Variants in LARP1B observed in about 807,000 individuals in gnomAD.
LARP1B encodes the protein La ribonucleoprotein 1B.
LARP1B carries 76 observed loss-of-function variants against 114.2 expected under a neutral mutation model. The observed-to-expected ratio is 0.67, with a 90% CI of 0.55 to 0.81. The LOEUF (loss-of-function observed/expected upper bound fraction) is 0.81. Among genes scored for constraint, LARP1B ranks in the 30% least tolerant of loss-of-function variants. The pLI, the probability that LARP1B is intolerant of heterozygous loss-of-function variation, is 0.00. For synonymous variants in LARP1B, 345 were observed against 348.0 expected (o/e 0.99, Z 0.10); for missense variants, 1,014 against 1,075.8 (o/e 0.94, Z 0.80).
Position 128,179,431 on chromosome 4 carries a change from A to G in LARP1B, c.1922A>G (p.His641Arg), listed in dbSNP as rs1747576912. 1 of 1,610,202 alleles carries G rather than the reference A, an allele frequency of 6.2e-7. No homozygotes were observed. Among genetic ancestry groups the G allele is most frequent in the Non-Finnish European group, 8.5e-7 (1 of 1,178,598 alleles). ...AGTCCAAGAAAGAGAAAAACAAGGCATAGCACAAATCCCCCTCTAGAGTGT... is the reference window on the plus strand; with the variant it reads ...AGTCCAAGAAAGAGAAAAACAAGGCGTAGCACAAATCCCCCTCTAGAGTGT... ...VKSPRKRKTR[H>R]STNPPLECHV... Residue 641 changes from histidine (H) to arginine (R), a missense_variant, in exon 15 of 20, where the codon CAT becomes CGT. Physicochemically the swap from His to Arg is conservative, Grantham distance 29. Transcript: ENST00000326639.
chr4:128,194,547 G>T (rs1753406619), intron 15 of LARP1B, among the ~76,000 whole-genome samples: 1 of 151,796 alleles, frequency 6.6e-6, no homozygotes, highest in Admixed American at 6.6e-5. Context: ...GCCGGGCATG[G>T]TGGCGGGCGC....
intron 1 of LARP1B, among the ~76,000 whole-genome samples, chr4:128,071,025 A>T (rs1173607298): frequency 2.6e-5 from 4 of 151,818 alleles, no homozygotes; most frequent in African/African-American, 7.3e-5. Context: ...CTTTTTATTT[A>T]TTTATTTTTT....
At chr4:128,097,369 G>A (rs566297688) in intron 7 of LARP1B, among the ~76,000 whole-genome samples, 18 of 151,526 alleles carry the variant, frequency 1.2e-4, no homozygotes, top group Non-Finnish European at 2.5e-4. Flanking sequence ...GTGCAATGAC[G>A]CGATCTTGGC....
At chr4:128,213,913 T>C (rs2150979758), downstream of LARP1B, among the ~76,000 whole-genome samples, 2 of 151,528 alleles carry the variant, frequency 1.3e-5, no homozygotes, top group African/African-American at 4.8e-5. Flanking sequence ...CACTAGGGAG[T>C]GCCAGACAGT....
At position 128,210,596 on chromosome 4, in the gene LARP1B, C is replaced by T. The variant is rs867349854; in HGVS notation, c.*543C>T. On this transcript the variant is annotated 3_prime_UTR_variant, in exon 20 of 20. Transcript: ENST00000326639. The stretch of plus-strand genomic sequence containing the variant: ...GAATATGAAATTATACCTTTAGTAT[C>T]CCTTTGAGACATATAGTTTAAAGAA... The T allele has an allele frequency of 1.1e-6, 1 of 915,322 alleles. No individual in the cohort carries two copies. The highest frequency in any genetic ancestry group is 6.1e-5 in the Admixed American group (1 of 16,340). 56.7% of individuals were successfully genotyped at this position (915,322 alleles called of 1,614,324 possible).
chr4:128,127,440 T>G (rs1421145073), intron 11 of LARP1B, among the ~76,000 whole-genome samples: 1 of 152,348 alleles, frequency 6.6e-6, no homozygotes, highest in Admixed American at 6.5e-5. Context: ...TATTAAAGTT[T>G]GCAAATTGCA....
At chr4:128,158,507 TA>T (rs1472706944) in intron 11 of LARP1B, among the ~76,000 whole-genome samples, 2 of 152,140 alleles carry the variant, frequency 1.3e-5, no homozygotes, top group African/African-American at 4.8e-5. Context: ...AAAGGCAAGT[TA>T]AAAAAGTGTC....
intron 8 of LARP1B, among the ~76,000 whole-genome samples, chr4:128,106,581 A>G (rs1782168434): frequency 6.6e-6 from 1 of 151,772 alleles, no homozygotes; most frequent in Admixed American, 6.6e-5. Flanking sequence ...CTAATGGCTA[A>G]GACTTTTAGT....
chr4:128,112,031 GAAAA>G (rs201940366), intron 9 of LARP1B, among the ~76,000 whole-genome samples: 3 of 145,456 alleles, frequency 2.1e-5, no homozygotes, highest in Non-Finnish European at 3.0e-5. Flanking sequence ...TCATTAAAAA[GAAAA>G]AAAAAAGTGT....
chr4:128,065,257 C>CTT (rs1375633016), intron 1 of LARP1B, among the ~76,000 whole-genome samples: 32 of 89,126 alleles, frequency 3.6e-4, no homozygotes, highest in African/African-American at 7.3e-4. Flanking sequence ...CAATTAATTT[C>CTT]TTTCTTTCTT....
At chr4:128,156,855 C>T (rs1175942901) in intron 11 of LARP1B, among the ~76,000 whole-genome samples, 1 of 96,870 alleles carries the variant, frequency 1.0e-5, no homozygotes, top group Non-Finnish European at 2.0e-5. Context: ...GAATAAAAGG[C>T]TTGAAGCTAA....
chr4:128,065,272 T>A (rs1336843028), intron 1 of LARP1B, among the ~76,000 whole-genome samples: 1 of 123,522 alleles, frequency 8.1e-6, no homozygotes, highest in African/African-American at 3.1e-5. Flanking sequence ...TTTCTTTCTT[T>A]CTTTCTTTCT....
intron 11 of LARP1B, chr4:128,122,910 A>T: frequency 4.0e-6 from 4 of 990,330 alleles, no homozygotes; most frequent in Non-Finnish European, 4.8e-6. Context: ...ATATGGGGAT[A>T]AAAGGAATCT....
chr4:128,162,151 C>CT, intron 11 of LARP1B, 43 bp from the exon 12 acceptor site: 1 of 1,596,272 alleles, frequency 6.3e-7, no homozygotes, highest in South Asian at 1.1e-5. Context: ...GTTGGTTACT[C>CT]TGTTAGCCAG....
At position 128,082,294 on chromosome 4, in the gene LARP1B, A is replaced by G; in HGVS notation, c.347A>G (p.Asn116Ser). ...ANKPTHNNRRNDTRSWKRDRE... is the reference protein window; with the variant it reads ...ANKPTHNNRRSDTRSWKRDRE... ...AAACCAACACATAACAATAGGAGAA[A>G]TGATACACGAAGTAAGTTACCATTC... is the stretch of plus-strand genomic sequence containing the variant. Residue 116 changes from asparagine to serine, a missense_variant, in exon 5 of 20, where the codon AAT becomes AGT. Physicochemically the swap from Asn to Ser is conservative, Grantham distance 46. Coordinates refer to ENST00000326639, the MANE Select transcript of LARP1B (RefSeq NM_018078.4). 6.2e-7 allele frequency: 1 copy of G among 1,613,824 alleles called. No homozygotes were observed. Among genetic ancestry groups the G allele is most frequent in the Non-Finnish European group, 8.5e-7 (1 of 1,179,842 alleles).
chr4:128,162,400 C>G, intron 12 of LARP1B, 83 bp downstream of exon 12: 1 of 1,245,894 alleles, frequency 8.0e-7, no homozygotes, highest in Admixed American at 2.4e-5. Context: ...CCTTTTTTTT[C>G]TTTATTTGTG....
downstream of LARP1B, among the ~76,000 whole-genome samples, chr4:128,213,852 C>T (rs952459062): frequency 5.3e-5 from 8 of 151,966 alleles, no homozygotes; most frequent in Non-Finnish European, 7.4e-5. Context: ...GCGTGAGCGA[C>T]GCAGAAGACG....
chr4:128,083,364 A>AG (rs1220335916), intron 5 of LARP1B, among the ~76,000 whole-genome samples: 1 of 151,564 alleles, frequency 6.6e-6, no homozygotes, highest in Non-Finnish European at 1.5e-5. Flanking sequence ...GGCCGGGCAG[A>AG]GGGGCTCCTC....
chr4:128,196,035 C>T (rs1265907887), intron 15 of LARP1B, among the ~76,000 whole-genome samples: 1 of 151,942 alleles, frequency 6.6e-6, no homozygotes, highest in East Asian at 1.9e-4. Flanking sequence ...AGGTGGATCA[C>T]AAGGTCAGGA....
Sources: allele counts gnomAD v4.1 joint callset (sites outside exome capture counted in the v4.1 genomes callset), GRCh38; gene constraint gnomAD v4.1.1; transcripts MANE v1.5; gene names NCBI Gene and HGNC (gene_info 2026-07-23, HGNC 2026-07-21).